Variants in ARB2A observed in about 807,000 individuals in gnomAD.
ARB2A encodes ARB2 cotranscriptional regulator A.
chr5:93,774,199 C>T, the ARB2A span, among the ~76,000 whole-genome samples: 1 of 152,324 alleles, frequency 6.6e-6, no homozygotes, highest in African/African-American at 2.4e-5. Context: ...AGCAGTTCTC[C>T]TGTCCCTATC....
At chr5:94,000,666 C>A in the ARB2A span, among the ~76,000 whole-genome samples, 2 of 151,958 alleles carry the variant, frequency 1.3e-5, no homozygotes, top group African/African-American at 4.8e-5. Context: ...TAAGGTCCAG[C>A]TTGTTTATTC....
chr5:93,725,147 A>G, the ARB2A span, among the ~76,000 whole-genome samples: 1 of 152,028 alleles, frequency 6.6e-6, no homozygotes, highest in Non-Finnish European at 1.5e-5. Context: ...ATTGACTGTA[A>G]GTAACTGAAC....
At chr5:93,771,032 T>C in the ARB2A span, among the ~76,000 whole-genome samples, 1 of 152,116 alleles carries the variant, frequency 6.6e-6, no homozygotes, top group African/African-American at 2.4e-5. Context: ...GCTGGAGGCA[T>C]CACACTACCT....
the ARB2A span, among the ~76,000 whole-genome samples, chr5:94,033,132 G>A: frequency 6.8e-6 from 1 of 147,914 alleles, no homozygotes; most frequent in Non-Finnish European, 1.5e-5. Flanking sequence ...ACTTTCCTGA[G>A]GCCTCCCCAA....
chr5:93,632,266 C>G, the ARB2A span, among the ~76,000 whole-genome samples: 1 of 152,276 alleles, frequency 6.6e-6, no homozygotes. Flanking sequence ...TCGGTTTCAA[C>G]TGGGTGAAGA....
At chr5:94,055,136 A>T in the ARB2A span, among the ~76,000 whole-genome samples, 9 of 152,190 alleles carry the variant, frequency 5.9e-5, no homozygotes, top group African/African-American at 2.2e-4. Flanking sequence ...GTCATTTAAA[A>T]ATGACACAAA....
the ARB2A span, among the ~76,000 whole-genome samples, chr5:93,981,483 A>G: frequency 6.6e-6 from 1 of 152,016 alleles, no homozygotes; most frequent in South Asian, 2.1e-4. Context: ...TACTTAACAA[A>G]TTTTTGTTGG....
At chr5:94,052,841 T>C in the ARB2A span, among the ~76,000 whole-genome samples, 1 of 152,182 alleles carries the variant, frequency 6.6e-6, no homozygotes, top group African/African-American at 2.4e-5. Flanking sequence ...ACGCTCAAGG[T>C]TGAAATGCAT....
At chr5:93,907,191 C>T in the ARB2A span, among the ~76,000 whole-genome samples, 1 of 151,230 alleles carries the variant, frequency 6.6e-6, no homozygotes, top group South Asian at 2.1e-4. Flanking sequence ...CTGTATAAGT[C>T]CCTGCTGTGA....
chr5:93,766,501 A>T, the ARB2A span, among the ~76,000 whole-genome samples: 1 of 152,178 alleles, frequency 6.6e-6, no homozygotes, highest in Non-Finnish European at 1.5e-5. Context: ...ACCATCTTAC[A>T]CCAGTTAGAA....
At chr5:94,051,870 A>T in the ARB2A span, among the ~76,000 whole-genome samples, 1 of 152,060 alleles carries the variant, frequency 6.6e-6, no homozygotes, top group Admixed American at 6.6e-5. Flanking sequence ...CCCAGGCTGG[A>T]GAGTACAGTG....
chr5:93,814,379 G>C, the ARB2A span, among the ~76,000 whole-genome samples: 5 of 152,112 alleles, frequency 3.3e-5, no homozygotes, highest in Non-Finnish European at 5.9e-5. Flanking sequence ...CTATGTATTA[G>C]GATAATGAAT....
At chr5:94,092,481 T>G in the ARB2A span, among the ~76,000 whole-genome samples, 2 of 152,340 alleles carry the variant, frequency 1.3e-5, no homozygotes, top group East Asian at 3.9e-4. Flanking sequence ...TGTCACTACT[T>G]GTAATTATGT....
the ARB2A span, among the ~76,000 whole-genome samples, chr5:93,768,472 T>C: frequency 1.3e-5 from 2 of 149,988 alleles, no homozygotes; most frequent in Non-Finnish European, 3.0e-5. Context: ...ACTATATATA[T>C]ATATATATGT....
At chr5:93,987,812 T>C in the ARB2A span, among the ~76,000 whole-genome samples, 3 of 152,294 alleles carry the variant, frequency 2.0e-5, no homozygotes, top group South Asian at 6.2e-4. Context: ...AATAACTCAC[T>C]AGAGAATCAG....
At chr5:93,731,387 C>G in the ARB2A span, among the ~76,000 whole-genome samples, 1 of 152,028 alleles carries the variant, frequency 6.6e-6, no homozygotes, top group Non-Finnish European at 1.5e-5. Context: ...AGGAAAAAAA[C>G]CTGGGCCAGA....
chr5:93,648,256 T>A, the ARB2A span, among the ~76,000 whole-genome samples: 1 of 152,138 alleles, frequency 6.6e-6, no homozygotes, highest in South Asian at 2.1e-4. Context: ...TTTATTTCAA[T>A]CTGAAACTTC....
the ARB2A span, among the ~76,000 whole-genome samples, chr5:93,747,667 A>G: frequency 6.6e-6 from 1 of 152,078 alleles, no homozygotes; most frequent in African/African-American, 2.4e-5. Context: ...TTTGAGCAAA[A>G]TACTCATGCC....
the ARB2A span, among the ~76,000 whole-genome samples, chr5:93,666,196 C>A: frequency 2.6e-5 from 4 of 152,170 alleles, no homozygotes; most frequent in Non-Finnish European, 4.4e-5. Flanking sequence ...GGGTAGGTAT[C>A]TTTAAAGACT....
Sources: gnomAD v4.1 joint callset for allele counts (sites outside exome capture counted in the v4.1 genomes callset) on GRCh38, gnomAD v4.1.1 for gene constraint, MANE v1.5 for transcripts, NCBI Gene and HGNC (gene_info 2026-07-23, HGNC 2026-07-21) for gene names.